The following MAEA variants were observed in gnomAD, a reference collection of about 807,000 sequenced individuals.
The protein encoded by MAEA is macrophage erythroblast attacher, E3 ubiquitin ligase.
Under a neutral mutation model 46.2 loss-of-function variants are expected in MAEA, and 22 were observed. The ratio of observed to expected loss-of-function variants is 0.48; its 90% CI spans 0.34 to 0.68. The LOEUF (loss-of-function observed/expected upper bound fraction) is 0.68, where lower values mean the gene tolerates loss of function less well. MAEA is among the 30% of genes least tolerant of loss of function. MAEA has a pLI of 0.01. For synonymous variants in MAEA, 246 were observed against 222.6 expected, an observed-to-expected ratio of 1.11 and a Z score of -0.94; for missense variants, 393 against 558.1, an observed-to-expected ratio of 0.70 and a Z score of 2.98.
chr4:1,310,699 C>T (rs1186651029), intron 1 of MAEA, among the ~76,000 whole-genome samples: 3 of 152,202 alleles, frequency 2.0e-5, no homozygotes, highest in Non-Finnish European at 2.9e-5. Context: ...CTGTCACCCG[C>T]GGTGGGTCCA....
intron 3 of MAEA, among the ~76,000 whole-genome samples, chr4:1,319,937 TC>T (rs1737813337): frequency 8.2e-6 from 1 of 122,238 alleles, no homozygotes. Flanking sequence ...CAGAAAAGAA[TC>T]ATCAAAGCAA....
intron 1 of MAEA, among the ~76,000 whole-genome samples, chr4:1,305,244 C>A (rs1234153454): frequency 6.6e-6 from 1 of 152,170 alleles, no homozygotes; most frequent in Non-Finnish European, 1.5e-5. Context: ...CCACACATTG[C>A]CAGGTGTCCC....
At chr4:1,303,778 A>T (rs1484999004) in intron 1 of MAEA, among the ~76,000 whole-genome samples, 2 of 152,060 alleles carry the variant, frequency 1.3e-5, no homozygotes, top group African/African-American at 4.8e-5. Context: ...ACGGCCTGTG[A>T]ATTGTATCAG....
chr4:1,321,634 A>G (rs184943826), intron 3 of MAEA, among the ~76,000 whole-genome samples: 80 of 152,288 alleles, frequency 5.3e-4, no homozygotes, highest in Middle Eastern at 3.4e-3. Context: ...GTCCTGGGCT[A>G]TGTGCAGGCG....
intron 3 of MAEA, 53 bp from the exon 4 acceptor site, chr4:1,322,328 A>T: frequency 6.3e-7 from 1 of 1,599,922 alleles, no homozygotes; most frequent in Non-Finnish European, 8.5e-7. Context: ...GGAGGGTGGC[A>T]TGGGGGCCTT....
At chr4:1,321,460 C>T (rs1274531332) in intron 3 of MAEA, among the ~76,000 whole-genome samples, 6 of 152,112 alleles carry the variant, frequency 3.9e-5, no homozygotes, top group African/African-American at 1.4e-4. Context: ...GAAGGGGTTT[C>T]AGAAACAAGA....
chr4:1,327,719 G>A lies in MAEA; in HGVS notation c.656+16G>A, dbSNP rs992605552. The A allele has an allele frequency of 7.5e-6, 12 of 1,610,654 alleles. No homozygotes were observed. Among genetic ancestry groups the A allele is most frequent in the Middle Eastern group, 1.6e-4 (1 of 6,072 alleles). On this transcript the variant is annotated intron_variant, in intron 5 of 8. Transcript: ENST00000303400. Reference sequence around the variant, plus strand: ...ACGCTGTGAGGTAGGCATTGCGGACGTGCGTCTCCTCGAGGGAGGGCAGGA... The same window carrying A: ...ACGCTGTGAGGTAGGCATTGCGGACATGCGTCTCCTCGAGGGAGGGCAGGA...
At chr4:1,297,574 C>G (rs948585375) in intron 1 of MAEA, among the ~76,000 whole-genome samples, 1 of 151,734 alleles carries the variant, frequency 6.6e-6, no homozygotes, top group East Asian at 1.9e-4. Context: ...CCTTGCCTGC[C>G]TGGTTTCCTT....
intron 4 of MAEA, among the ~76,000 whole-genome samples, chr4:1,324,962 C>T (rs1037854653): frequency 4.6e-5 from 7 of 151,812 alleles, no homozygotes; most frequent in African/African-American, 7.3e-5. Flanking sequence ...TGGATGAAGT[C>T]GAGACTGGAC....
chr4:1,338,357 C>G, intron 7 of MAEA, 65 bp from the exon 8 acceptor site: 1 of 1,371,250 alleles, frequency 7.3e-7, no homozygotes, highest in Non-Finnish European at 1.0e-6. Context: ...AGAGTGGCCA[C>G]AGGGGGCTGG....
rs1735581069 is a variant in MAEA at position 1,303,933 on chromosome 4, GGCAGGGCAGGGTGGGGGT to G, written c.70-8045_70-8028del. ...GGGGTCGGGCAGGGCAGGGGGGTCCGGCAGGGCAGGGTGGGGGTCGGGCAGGGCAGGGGGCGTCCGTGG... is the reference window on the plus strand; with the variant it reads ...GGGGTCGGGCAGGGCAGGGGGGTCCGCGGGCAGGGCAGGGGGCGTCCGTGG... On this transcript the variant is annotated intron_variant, in intron 1 of 8. Coordinates refer to ENST00000303400, the MANE Select transcript of MAEA (RefSeq NM_001017405.3). Among the ~76,000 whole-genome samples the G allele has an allele frequency of 2.8e-4, 29 of 103,594 alleles. No individual in the cohort carries two copies. In the East Asian group the frequency reaches 3.1e-3, roughly 11 times the overall value. The allele number at this position is 103,594 out of a possible 152,430, so 68.0% of individuals were successfully genotyped here. A position where few individuals can be genotyped will look rare whatever the true frequency, so the allele number is the denominator to read the frequency against.
rs189728300 is a variant in MAEA, at chr4:1,322,313, G to T, written c.457-68G>T. On this transcript the variant is annotated intron_variant, in intron 3 of 8. Coordinates refer to ENST00000303400, the MANE Select transcript of MAEA (RefSeq NM_001017405.3). ...CTGGGCCTGCCTCATGGAGGCTGGG[G>T]TGTGGGAGGGTGGCATGGGGGCCTT... 1.7e-3 allele frequency: 2,677 copies of T among 1,591,718 alleles called. 6 individuals carry two copies. Among genetic ancestry groups the T allele is most frequent in the Non-Finnish European group, 2.1e-3 (2,444 of 1,166,856 alleles).
intron 7 of MAEA, chr4:1,337,352 G>T: frequency 3.3e-6 from 1 of 307,464 alleles, no homozygotes; most frequent in South Asian, 2.8e-5. Context: ...GACTGACTCT[G>T]TCCCGCCTGT....
At chr4:1,316,738 G>C (rs1737224831) in intron 3 of MAEA, among the ~76,000 whole-genome samples, 1 of 152,102 alleles carries the variant, frequency 6.6e-6, no homozygotes, top group Admixed American at 6.5e-5. Context: ...TTCAACCCCA[G>C]CACAAGGCTC....
chr4:1,330,025 G>C, intron 5 of MAEA: 1 of 985,552 alleles, frequency 1.0e-6, no homozygotes, highest in Non-Finnish European at 1.2e-6. Flanking sequence ...TGTCTGTGGA[G>C]CCAGCGTGCT....
At chr4:1,329,454 C>G in intron 5 of MAEA, 1 of 985,416 alleles carries the variant, frequency 1.0e-6, no homozygotes, top group Non-Finnish European at 1.2e-6. Flanking sequence ...GGGGAGCAGG[C>G]AGGTCCCAGG....
At position 1,315,450 on chromosome 4, in the gene MAEA, G is replaced by C. The variant is rs1276977557; in HGVS notation, c.306G>C (p.Arg102=). The C allele has an allele frequency of 6.2e-7, 1 of 1,613,918 alleles. No homozygotes were observed. The highest frequency in any genetic ancestry group is 8.5e-7 in the Non-Finnish European group (1 of 1,180,020). The part of the protein sequence containing the change: ...EDESAKLCKR[R]IEHLKEHSSD... ...AGAGCGCCAAGCTGTGCAAGCGCCG[G>C]ATCGAGCACCTCAAAGAGCATAGCA... Residue 102 remains arginine, a synonymous_variant, in exon 3 of 9, where the codon CGG becomes CGC. Transcript: ENST00000303400.
At chr4:1,317,043 C>CT (rs1319165790) in intron 3 of MAEA, among the ~76,000 whole-genome samples, 1 of 119,976 alleles carries the variant, frequency 8.3e-6, no homozygotes, top group Non-Finnish European at 1.9e-5. Context: ...CAGGCCCACC[C>CT]GGTCCCACAC....
At chr4:1,336,612 A>G (rs1172933447) in intron 6 of MAEA, among the ~76,000 whole-genome samples, 2 of 152,152 alleles carry the variant, frequency 1.3e-5, no homozygotes, top group African/African-American at 2.4e-5. Flanking sequence ...GCATGTTGAA[A>G]TCAGAGTTAA....
Sources: allele counts gnomAD v4.1 joint callset (sites outside exome capture counted in the v4.1 genomes callset), GRCh38; gene constraint gnomAD v4.1.1; transcripts MANE v1.5; gene names NCBI Gene and HGNC (gene_info 2026-07-23, HGNC 2026-07-21).